The following SCARB1 variants were observed in gnomAD, a reference collection of about 807,000 sequenced individuals.
The protein encoded by SCARB1 is CD36 and LIMPII analogous 1.
A neutral mutation model predicts 57.2 loss-of-function variants in SCARB1; 30 were observed. That is an observed-to-expected ratio of 0.52 (90% CI 0.39 to 0.71). SCARB1 has a LOEUF of 0.71. Among genes scored for constraint, SCARB1 ranks in the 30% least tolerant of loss-of-function variants. The pLI is 0.00. For synonymous variants in SCARB1, 249 were observed against 268.3 expected (o/e 0.93, Z 0.70); for missense variants, 543 against 671.2 (o/e 0.81, Z 2.11).
intron 7 of SCARB1, among the ~76,000 whole-genome samples, chr12:124,802,350 G>A (rs1950164048): frequency 6.6e-6 from 1 of 152,150 alleles, no homozygotes; most frequent in Admixed American, 6.5e-5. Flanking sequence ...TTCTCCTGCA[G>A]GTGATGGCAA....
chr12:124,790,664 G>T (rs1949691722), intron 9 of SCARB1, among the ~76,000 whole-genome samples: 1 of 152,218 alleles, frequency 6.6e-6, no homozygotes, highest in South Asian at 2.1e-4. Context: ...ACTCAGTATG[G>T]AGCAGCAGGG....
chr12:124,841,589 C>T (rs1951913526), intron 1 of SCARB1, among the ~76,000 whole-genome samples: 1 of 152,144 alleles, frequency 6.6e-6, no homozygotes, highest in African/African-American at 2.4e-5. Context: ...CTGCAAGGCC[C>T]CCACATGCCT....
intron 1 of SCARB1, among the ~76,000 whole-genome samples, chr12:124,832,245 C>T (rs561177945): frequency 2.5e-4 from 38 of 152,322 alleles, no homozygotes; most frequent in South Asian, 4.1e-4. Context: ...AGGCCGGGCG[C>T]GGTGGCTCAC....
intron 1 of SCARB1, among the ~76,000 whole-genome samples, chr12:124,860,372 A>G (rs1434345194): frequency 2.6e-5 from 4 of 152,246 alleles, no homozygotes; most frequent in African/African-American, 9.6e-5. Flanking sequence ...ACCCCAGCTC[A>G]TCATTGAAGA....
In SCARB1 at chr12:124,807,359, G is replaced by T. The variant is rs1403025872; in HGVS notation, c.1009+402C>A. Among the ~76,000 whole-genome samples, 2 of 152,118 alleles carry T rather than the reference G, an allele frequency of 1.3e-5. No homozygotes were observed. The highest frequency in any genetic ancestry group is 6.6e-5 in the Admixed American group (1 of 15,262). On this transcript the variant is annotated intron_variant, in intron 7 of 12. Coordinates refer to ENST00000261693, the MANE Select transcript of SCARB1 (RefSeq NM_005505.5). This position sits in a 1 kb window ranked among gnomAD's most constrained non-coding sequence, Gnocchi z 5.3. ...GGATCAGAAGGATGCCATGTTGCTG[G>T]CCTCAAAGGTGGAGGAAGGGCCCGG...
At chr12:124,781,495 G>T (rs1167792867) in intron 12 of SCARB1, among the ~76,000 whole-genome samples, 1 of 152,018 alleles carries the variant, frequency 6.6e-6, no homozygotes, top group African/African-American at 2.4e-5. Flanking sequence ...ACCTCCCCTG[G>T]CAAGGACACC....
Position 124,778,558 on chromosome 12 carries a change from C to G in SCARB1, c.*29G>C, listed in dbSNP as rs994575062. On this transcript the variant is annotated 3_prime_UTR_variant, in exon 13 of 13. Transcript: ENST00000261693. ...GGGCCGGTCAGGCCCAGCGGCCAGG[C>G]CTGGCTGGCTCACGGTGTCCTCAGG... 2.2e-6 allele frequency: 3 copies of G among 1,391,372 alleles called. No individual in the cohort carries two copies. The highest frequency in any genetic ancestry group is 2.8e-6 in the Non-Finnish European group (3 of 1,072,160). 86.2% of individuals were successfully genotyped at this position (1,391,372 alleles called of 1,614,324 possible).
At chr12:124,800,000 T>C (rs971051357) in intron 8 of SCARB1, 124 bp downstream of exon 8, 30 of 776,522 alleles carry the variant, frequency 3.9e-5, no homozygotes, top group African/African-American at 3.6e-4. Context: ...TGGCTCGAGA[T>C]TCTAGAAGCC....
chr12:124,780,935 A>T (rs770107755), intron 12 of SCARB1, among the ~76,000 whole-genome samples: 2 of 152,194 alleles, frequency 1.3e-5, no homozygotes, highest in African/African-American at 4.8e-5. Flanking sequence ...GGCTGGAAGG[A>T]GCAGGCACAC....
At position 124,837,073 on chromosome 12, in the gene SCARB1, A is replaced by G. The variant is rs142983598; in HGVS notation, c.127-19366T>C. On this transcript the variant is annotated intron_variant, in intron 1 of 12. Coordinates refer to ENST00000261693, the MANE Select transcript of SCARB1 (RefSeq NM_005505.5). ...CGGGCACAGAGATGAATCAAGCACAACCTCTCCTTCCCCGCCAAATCAGGG... is the reference window on the plus strand; with the variant it reads ...CGGGCACAGAGATGAATCAAGCACAGCCTCTCCTTCCCCGCCAAATCAGGG... Among the ~76,000 whole-genome samples, 606 of 152,050 alleles carry G rather than the reference A, an allele frequency of 4.0e-3. 4 individuals are homozygous for G. Among genetic ancestry groups the G allele is most frequent in the Non-Finnish European group, 3.8e-3 (256 of 67,984 alleles).
At chr12:124,794,397 A>ATTTTTTT (rs1242276585) in intron 9 of SCARB1, among the ~76,000 whole-genome samples, 43 of 113,918 alleles carry the variant, frequency 3.8e-4, no homozygotes, top group East Asian at 1.1e-3. Context: ...TGCTTGAAAA[A>ATTTTTTT]TTCTTTTTTT....
At chr12:124,803,220 C>CCTGTCCTGT (rs1950194769) in intron 7 of SCARB1, among the ~76,000 whole-genome samples, 1 of 152,166 alleles carries the variant, frequency 6.6e-6, no homozygotes, top group Non-Finnish European at 1.5e-5. Flanking sequence ...GCATCCAGGG[C>CCTGTCCTGT]CTGTCCTGTC....
intron 1 of SCARB1, among the ~76,000 whole-genome samples, chr12:124,843,930 G>A (rs543984432): frequency 4.6e-5 from 7 of 152,306 alleles, no homozygotes; most frequent in African/African-American, 1.2e-4. Context: ...AGACTAAATC[G>A]TCTCAGGTGC....
chr12:124,808,027 C>T (rs1025074235), intron 6 of SCARB1, 100 bp from the exon 7 acceptor site: 12 of 1,203,844 alleles, frequency 1.0e-5, no homozygotes, highest in South Asian at 1.2e-5. Flanking sequence ...TCCCCACGGG[C>T]GCTACCACCT....
chr12:124,852,734 G>C (rs1007617411), intron 1 of SCARB1, among the ~76,000 whole-genome samples: 3 of 152,240 alleles, frequency 2.0e-5, no homozygotes, highest in African/African-American at 7.2e-5. Context: ...GAATAGCATG[G>C]TGTGGTTATA....
chr12:124,829,243 AG>A (rs1222264536), intron 1 of SCARB1, among the ~76,000 whole-genome samples: 1 of 152,206 alleles, frequency 6.6e-6, no homozygotes, highest in South Asian at 2.1e-4. Context: ...CTCGCTTTAA[AG>A]CATGCCTCAA....
At chr12:124,840,612 G>A (rs1009024097) in intron 1 of SCARB1, among the ~76,000 whole-genome samples, 12 of 151,936 alleles carry the variant, frequency 7.9e-5, no homozygotes, top group Non-Finnish European at 1.6e-4. Flanking sequence ...TCCCTCCCCC[G>A]ATCTTCTCGT....
intron 1 of SCARB1, among the ~76,000 whole-genome samples, chr12:124,833,618 C>A (rs1243041773): frequency 6.6e-6 from 1 of 152,142 alleles, no homozygotes; most frequent in Non-Finnish European, 1.5e-5. Flanking sequence ...CACCCAGAGA[C>A]CCCAGAGCAT....
chr12:124,841,363 G>C (rs2135788082), intron 1 of SCARB1, among the ~76,000 whole-genome samples: 1 of 140,870 alleles, frequency 7.1e-6, no homozygotes, highest in African/African-American at 2.6e-5. Context: ...AACAGAGCAA[G>C]ACTCCGTCTC....
Sources: gnomAD v4.1 joint callset for allele counts (sites outside exome capture counted in the v4.1 genomes callset) on GRCh38, gnomAD v4.1.1 for gene constraint, Gnocchi (gnomAD v3.1) non-coding constraint, MANE v1.5 for transcripts, NCBI Gene and HGNC (gene_info 2026-07-23, HGNC 2026-07-21) for gene names.